The following PDE4D variants were observed in gnomAD, a reference collection of about 807,000 sequenced individuals.
The protein encoded by PDE4D is 3',5'-cyclic-AMP phosphodiesterase 4D.
PDE4D carries 24 observed loss-of-function variants against 87.4 expected under a neutral mutation model. The observed-to-expected ratio is 0.27, with a 90% confidence interval of 0.20 to 0.39. The LOEUF (loss-of-function observed/expected upper bound fraction) is 0.39, where lower values mean the gene tolerates loss of function less well. Ranked by LOEUF, PDE4D falls within the 10% of genes least tolerant of loss-of-function variation. The probability of loss-of-function intolerance (pLI) is 1.00; values close to 1 mark genes in which losing one functional copy is unlikely to be tolerated. For missense variants in PDE4D, 714 were observed against 1,041.0 expected (o/e 0.69, Z 4.32); for synonymous variants, 384 against 383.2 (o/e 1.00, Z -0.02).
intron 1 of PDE4D, chr5:60,430,990 C>T (rs1744213899): frequency 3.7e-6 from 1 of 271,582 alleles, no homozygotes; most frequent in African/African-American, 2.3e-5. Flanking sequence ...CTTTTCCCCA[C>T]CTTTCCCCCC....
chr5:59,611,586 T>C (rs757980132), intron 1 of PDE4D, among the ~76,000 whole-genome samples: 2 of 152,208 alleles, frequency 1.3e-5, no homozygotes, highest in Non-Finnish European at 2.9e-5. Flanking sequence ...TTACATCTGC[T>C]GTGGTCACTG....
intron 1 of PDE4D, among the ~76,000 whole-genome samples, chr5:59,236,168 C>G (rs1036624061): frequency 6.6e-6 from 1 of 152,082 alleles, no homozygotes; most frequent in African/African-American, 2.4e-5. Context: ...CCCTCTCTTC[C>G]TCCCTGCTTT....
At chr5:59,778,000 A>G (rs942892549) in intron 1 of PDE4D, among the ~76,000 whole-genome samples, 3 of 152,230 alleles carry the variant, frequency 2.0e-5, no homozygotes, top group Non-Finnish European at 4.4e-5. Context: ...TAATTACATA[A>G]TTGAAAGGTA....
chr5:59,057,326 T>C (rs1498600), intron 5 of PDE4D, among the ~76,000 whole-genome samples: 100,503 of 152,134 alleles, frequency 0.66, 33,431 homozygotes, highest in East Asian at 0.88. Flanking sequence ...TTGCCACTGA[T>C]TGACTAGCTT....
chr5:59,303,013 T>C (rs187946667), intron 1 of PDE4D, among the ~76,000 whole-genome samples: 37 of 152,256 alleles, frequency 2.4e-4, no homozygotes, highest in Non-Finnish European at 4.4e-4. Context: ...AGTGTAGAAG[T>C]GTTTCCTGAT....
rs915885796 is a variant in PDE4D, at chr5:59,663,220, A to G, written c.455+229948T>C. Among the ~76,000 whole-genome samples the G allele has an allele frequency of 3.3e-5, 5 of 151,870 alleles. No homozygotes were observed. The East Asian group carries it at 9.6e-4, about 29-fold the overall frequency. On this transcript the variant is annotated intron_variant, in intron 1 of 14. Coordinates refer to ENST00000340635, the MANE Select transcript of PDE4D (RefSeq NM_001104631.2). ...CACTCTGTCTCCAAGGCTGGAGTACATTGGCGTGATCTTGCCTCACTGCGA... is the reference window on the plus strand; with the variant it reads ...CACTCTGTCTCCAAGGCTGGAGTACGTTGGCGTGATCTTGCCTCACTGCGA...
At chr5:59,342,020 T>A (rs908346048) in intron 1 of PDE4D, among the ~76,000 whole-genome samples, 6 of 152,136 alleles carry the variant, frequency 3.9e-5, no homozygotes, top group African/African-American at 1.4e-4. Context: ...ATTTCATAAA[T>A]GTCATACAAG....
chr5:59,226,356 A>T (rs974324285), intron 1 of PDE4D, among the ~76,000 whole-genome samples: 10 of 152,202 alleles, frequency 6.6e-5, no homozygotes, highest in Admixed American at 1.3e-4. Flanking sequence ...ACATGGATGA[A>T]TTTTGAGGAC....
Position 59,189,235 on chromosome 5 carries a change from T to TTTTTTTTTG in PDE4D, c.685-3982_685-3974dup, listed in dbSNP as rs1370646628. On this transcript the variant is annotated intron_variant, in intron 3 of 14. Transcript: ENST00000340635. Reference sequence around the variant, plus strand: ...GAGATGTAGTTGTTCCTACCCCGTTTTTTTTTTTGTTTTTTTTGTTTTTTT... The same window carrying TTTTTTTTTG: ...GAGATGTAGTTGTTCCTACCCCGTTTTTTTTTTTGTTTTTTTTGTTTTTTTTGTTTTTTT... Among the ~76,000 whole-genome samples the TTTTTTTTTG allele has an allele frequency of 1.2e-4, 12 of 102,740 alleles. No homozygotes were observed. In the South Asian group the frequency reaches 3.5e-3, roughly 30 times the overall value. The allele number at this position is 102,740 out of a possible 152,430, so 67.4% of individuals were successfully genotyped here. A position where few individuals can be genotyped will look rare whatever the true frequency, so the allele number is the denominator to read the frequency against.
At chr5:59,021,519 T>A (rs576003368) in intron 6 of PDE4D, among the ~76,000 whole-genome samples, 9 of 152,216 alleles carry the variant, frequency 5.9e-5, no homozygotes, top group African/African-American at 1.7e-4. Flanking sequence ...CCATTCCTCA[T>A]CCCTCCTAAG....
At chr5:60,196,459 T>C (rs1185871820) in intron 1 of PDE4D, among the ~76,000 whole-genome samples, 1 of 151,722 alleles carries the variant, frequency 6.6e-6, no homozygotes, top group African/African-American at 2.4e-5. Flanking sequence ...AGCTTCCTTT[T>C]AGCAACTTTC....
chr5:60,099,963 A>C (rs1274229655), intron 2 of PDE4D, among the ~76,000 whole-genome samples: 1 of 151,898 alleles, frequency 6.6e-6, no homozygotes, highest in African/African-American at 2.4e-5. Context: ...CACAGCAAAA[A>C]AGAAAGAAAG....
chr5:60,027,801 G>A (rs1766796743), intron 2 of PDE4D, among the ~76,000 whole-genome samples: 1 of 152,218 alleles, frequency 6.6e-6, no homozygotes, highest in Non-Finnish European at 1.5e-5. Flanking sequence ...ACTACATCAT[G>A]CAGTGGAATA....
chr5:59,000,365 G>A (rs1309095494), intron 6 of PDE4D, among the ~76,000 whole-genome samples: 1 of 152,140 alleles, frequency 6.6e-6, no homozygotes, highest in Non-Finnish European at 1.5e-5. Flanking sequence ...CAAAACAAGT[G>A]GCTCCCTGGT....
chr5:59,135,299 C>T (rs1776880752), intron 5 of PDE4D, among the ~76,000 whole-genome samples: 1 of 152,118 alleles, frequency 6.6e-6, no homozygotes, highest in South Asian at 2.1e-4. Flanking sequence ...GCAATCAGTC[C>T]ATTTTATGAG....
chr5:59,093,546 C>T (rs925587988), intron 5 of PDE4D, among the ~76,000 whole-genome samples: 3 of 152,204 alleles, frequency 2.0e-5, no homozygotes, highest in Admixed American at 6.5e-5. Context: ...GGGGTACCCC[C>T]TAATCATGAC....
chr5:59,277,969 A>C (rs750785655), intron 1 of PDE4D, among the ~76,000 whole-genome samples: 10 of 152,168 alleles, frequency 6.6e-5, no homozygotes, highest in Non-Finnish European at 1.3e-4. Flanking sequence ...AACAAACTTA[A>C]GTGGGGAATC....
At chr5:59,126,841 C>T (rs181400556) in intron 5 of PDE4D, among the ~76,000 whole-genome samples, 6 of 152,054 alleles carry the variant, frequency 3.9e-5, no homozygotes, top group Admixed American at 3.9e-4. Flanking sequence ...TAAAATAAAG[C>T]GTGTTATACA....
At chr5:60,327,760 T>C (rs376043315) in intron 1 of PDE4D, among the ~76,000 whole-genome samples, 3 of 152,126 alleles carry the variant, frequency 2.0e-5, no homozygotes, top group Non-Finnish European at 4.4e-5. Context: ...AGCAAACATA[T>C]AGTGAAATAT....
Sources: allele counts gnomAD v4.1 joint callset (sites outside exome capture counted in the v4.1 genomes callset), GRCh38; gene constraint gnomAD v4.1.1; transcripts MANE v1.5; gene names NCBI Gene and HGNC (gene_info 2026-07-23, HGNC 2026-07-21).